Variants in NUTM2E observed in about 807,000 individuals in gnomAD.
NUTM2E encodes the protein family with sequence similarity 22, member E.
Under a neutral mutation model 26.1 loss-of-function variants are expected in NUTM2E, and 3 were observed. The ratio of observed to expected loss-of-function variants is 0.12; its 90% CI spans 0.05 to 0.30. The LOEUF (loss-of-function observed/expected upper bound fraction) is 0.30. Among genes scored for constraint, NUTM2E ranks in the 10% least tolerant of loss-of-function variants. NUTM2E has a pLI of 1.00. For synonymous variants in NUTM2E, 13 were observed against 157.5 expected (o/e 0.08, Z 6.87); for missense variants, 62 against 381.3 (o/e 0.16, Z 6.97).
intron 1 of NUTM2E, among the ~76,000 whole-genome samples, chr10:79,834,815 T>TACAC (rs71925965): frequency 0.021 from 3,087 of 145,938 alleles, 156 homozygotes; most frequent in East Asian, 0.17. Context: ...ACAGAATACC[T>TACAC]ACACACACAC....
chr10:79,838,963 A>G lies in NUTM2E; in HGVS notation c.-2266A>G, dbSNP rs558130572. Among the ~76,000 whole-genome samples, 8 of 142,030 alleles carry G rather than the reference A, an allele frequency of 5.6e-5. No homozygotes were observed. Among genetic ancestry groups the G allele is most frequent in the Non-Finnish European group, 1.1e-4 (7 of 63,706 alleles). The allele number at this position is 142,030 out of a possible 152,430, so 93.2% of individuals were successfully genotyped here. On this transcript the variant is annotated 5_prime_UTR_variant, in exon 3 of 10. Coordinates refer to ENST00000429984, the MANE Select transcript of NUTM2E (RefSeq NM_001355263.2). ...GCGGCGGCGCACAGGGCAGGCCAGG[A>G]GCCCGCCCTAGGAGGGCCCCGCTGG... is the stretch of plus-strand genomic sequence containing the variant.
At chr10:79,834,024 T>C (rs1589306930) in intron 1 of NUTM2E, among the ~76,000 whole-genome samples, 1 of 151,824 alleles carries the variant, frequency 6.6e-6, no homozygotes, top group African/African-American at 2.4e-5. Flanking sequence ...TGGAATGCTA[T>C]GCAGCCATAA....
chr10:79,839,716 C>G lies in NUTM2E; in HGVS notation c.-2025C>G, dbSNP rs1395551977. On this transcript the variant is annotated 5_prime_UTR_variant, in exon 4 of 10. Coordinates refer to ENST00000429984, the MANE Select transcript of NUTM2E (RefSeq NM_001355263.2). ...GCCTCAAGTGCAGAGTCTGAGAGCTCTGCAGGACACAGCATGGAGCCGCCA... is the reference window on the plus strand; with the variant it reads ...GCCTCAAGTGCAGAGTCTGAGAGCTGTGCAGGACACAGCATGGAGCCGCCA... Among the ~76,000 whole-genome samples, 1 of 151,752 alleles carries G rather than the reference C, an allele frequency of 6.6e-6. No homozygotes were observed. The highest frequency in any genetic ancestry group is 2.4e-5 in the African/African-American group (1 of 41,252).
chr10:79,834,837 CACACACAA>C (rs928902420), intron 1 of NUTM2E, among the ~76,000 whole-genome samples: 1 of 150,970 alleles, frequency 6.6e-6, no homozygotes, highest in African/African-American at 2.4e-5. Context: ...CACACACACA[CACACACAA>C]ACACACAAAC....
In NUTM2E at chr10:79,834,667, TA is replaced by T. The variant is rs377301904; in HGVS notation, c.-2727-3628del. The stretch of plus-strand genomic sequence containing the variant: ...TGGGCAACAGAGCGATGCTCCATCT[TA>T]AAAAAAAAAAAAATCAAAATAAAAT... On this transcript the variant is annotated intron_variant, in intron 1 of 9. Transcript: ENST00000429984. Among the ~76,000 whole-genome samples the T allele has an allele frequency of 3.2e-3, 437 of 135,170 alleles. 5 individuals carry two copies. Among genetic ancestry groups the T allele is most frequent in the African/African-American group, 4.4e-3 (161 of 36,612 alleles). The allele number at this position is 135,170 out of a possible 152,430, so 88.7% of individuals were successfully genotyped here.
rs1841995180 is a variant in NUTM2E, at chr10:79,841,007, CTTT to C, written c.-729_-727del. The stretch of plus-strand genomic sequence containing the variant: ...TCTCAGTGTGGAAATGAGAATGAAG[CTTT>C]TTTTAAAGACAGGCTACAATAATTC... On this transcript the variant is annotated 5_prime_UTR_variant, in exon 4 of 10. Coordinates refer to ENST00000429984, the MANE Select transcript of NUTM2E (RefSeq NM_001355263.2). 7.4e-6 allele frequency among the ~76,000 whole-genome samples: 1 copy of C among 135,958 alleles called. No homozygotes were observed. The highest frequency in any genetic ancestry group is 1.6e-5 in the Non-Finnish European group (1 of 63,210). 89.2% of individuals were successfully genotyped at this position (135,958 alleles called of 152,430 possible).
chr10:79,827,986 G>A (rs1482572900), intron 1 of NUTM2E, among the ~76,000 whole-genome samples: 1 of 151,136 alleles, frequency 6.6e-6, no homozygotes, highest in Non-Finnish European at 1.5e-5. Flanking sequence ...TTAGAGACGG[G>A]GTTTCTCCAT....
chr10:79,849,043 G>A, intron 8 of NUTM2E, 148 bp downstream of exon 8: 1 of 969,478 alleles, frequency 1.0e-6, no homozygotes, highest in African/African-American at 1.6e-5. Context: ...GTGTGTCTGT[G>A]TGTTTGTGTC....
At chr10:79,828,344 G>A (rs1841903115) in intron 1 of NUTM2E, among the ~76,000 whole-genome samples, 3 of 151,862 alleles carry the variant, frequency 2.0e-5, no homozygotes, top group Non-Finnish European at 2.9e-5. Context: ...CTGAAGGTAT[G>A]AGGCTTTTAA....
chr10:79,834,414 A>C (rs1841947676), intron 1 of NUTM2E, among the ~76,000 whole-genome samples: 1 of 151,742 alleles, frequency 6.6e-6, no homozygotes, highest in Non-Finnish European at 1.5e-5. Context: ...TTTAATTCAC[A>C]GTTGGGCAGG....
rs1443516419 is a variant in NUTM2E, at chr10:79,848,596, C to T, written c.1435C>T (p.Arg479Cys). The T allele has an allele frequency of 5.1e-6, 3 of 587,914 alleles. No individual in the cohort carries two copies. Among genetic ancestry groups the T allele is most frequent in the Admixed American group, 5.1e-5 (1 of 19,656 alleles). 36.4% of individuals were successfully genotyped at this position (587,914 alleles called of 1,614,324 possible). ...PRPQRPVTKARRPPPQPHRRA... is the reference protein window; with the variant it reads ...PRPQRPVTKACRPPPQPHRRA... ...ACCCCAGAGGCCAGTGACCAAGGCC[C>T]GCCGGCCACCACCCCAGCCCCACCG... Residue 479 changes from arginine (R) to cysteine (C), a missense_variant, in exon 8 of 10, where the codon CGC becomes TGC. Coordinates refer to ENST00000429984, the MANE Select transcript of NUTM2E (RefSeq NM_001355263.2).
At position 79,838,890 on chromosome 10, in the gene NUTM2E, T is replaced by C. The variant is rs1841981427; in HGVS notation, c.-2339T>C. 6.7e-6 allele frequency among the ~76,000 whole-genome samples: 1 copy of C among 149,510 alleles called. No individual in the cohort carries two copies. The highest frequency in any genetic ancestry group is 6.7e-5 in the Admixed American group (1 of 15,034). On this transcript the variant is annotated 5_prime_UTR_variant, in exon 3 of 10. The change abolishes the stop of an existing upstream ORF in the 5' untranslated region. Coordinates refer to ENST00000429984, the MANE Select transcript of NUTM2E (RefSeq NM_001355263.2). ...CGCCGCAACTGGCGCTGGGAGCGGTTGAGGGCGGCCGGCCTCGCGCTGGAA... is the reference window on the plus strand; with the variant it reads ...CGCCGCAACTGGCGCTGGGAGCGGTCGAGGGCGGCCGGCCTCGCGCTGGAA...
chr10:79,828,341 T>A (rs2880198), intron 1 of NUTM2E, among the ~76,000 whole-genome samples: 2 of 151,898 alleles, frequency 1.3e-5, no homozygotes, highest in African/African-American at 4.8e-5. Flanking sequence ...TTGCTGAAGG[T>A]ATGAGGCTTT....
chr10:79,827,282 T>A lies in NUTM2E; in HGVS notation c.-2803T>A, dbSNP rs189658834. The A allele has an allele frequency of 6.5e-6, 1 of 153,096 alleles. No homozygotes were observed. The highest frequency in any genetic ancestry group is 1.5e-5 in the Non-Finnish European group (1 of 67,898). The allele number at this position is 153,096 out of a possible 1,614,324, so 9.5% of individuals were successfully genotyped here. ...CGGGATTATTCAACAAGCCGATTGATCACATTCTTCAGCTCTAGCAGTGCA... is the reference window on the plus strand; with the variant it reads ...CGGGATTATTCAACAAGCCGATTGAACACATTCTTCAGCTCTAGCAGTGCA... On this transcript the variant is annotated 5_prime_UTR_variant, in exon 1 of 10. Transcript: ENST00000429984.
chr10:79,849,141 T>C (rs1236263970), intron 8 of NUTM2E, among the ~76,000 whole-genome samples: 1 of 89,328 alleles, frequency 1.1e-5, no homozygotes, highest in Admixed American at 1.1e-4. Context: ...TTTTCCTGTG[T>C]CATATGTGGG....
Position 79,827,096 on chromosome 10 carries a change from G to T in NUTM2E, c.-2989G>T, listed in dbSNP as rs1293062544. The T allele has an allele frequency of 6.6e-6, 1 of 152,040 alleles. No individual in the cohort carries two copies. Among genetic ancestry groups the T allele is most frequent in the Non-Finnish European group, 1.5e-5 (1 of 67,814 alleles). The allele number at this position is 152,040 out of a possible 1,614,324, so 9.4% of individuals were successfully genotyped here. A position where few individuals can be genotyped will look rare whatever the true frequency, so the allele number is the denominator to read the frequency against. On this transcript the variant is annotated 5_prime_UTR_variant, in exon 1 of 10. Transcript: ENST00000429984. ...CCCAGCCCCGCCCGCGGCGAGGTGC[G>T]CGGGGTTCGGTGCGAGCCCCTCGCC... is the stretch of plus-strand genomic sequence containing the variant.
chr10:79,829,661 T>C (rs953032973), intron 1 of NUTM2E, among the ~76,000 whole-genome samples: 5 of 151,860 alleles, frequency 3.3e-5, no homozygotes, highest in African/African-American at 1.2e-4. Context: ...GATAGTCCAA[T>C]AGGAAATACG....
At position 79,832,938 on chromosome 10, in the gene NUTM2E, C is replaced by T. The variant is rs1478510475; in HGVS notation, c.-2727-5371C>T. Reference sequence around the variant, plus strand: ...ATAGTTGTGTGTGAATTTAAGTGAACACACTTACTAATTGAATAAAATACA... The same window carrying T: ...ATAGTTGTGTGTGAATTTAAGTGAATACACTTACTAATTGAATAAAATACA... On this transcript the variant is annotated intron_variant, in intron 1 of 9. Coordinates refer to ENST00000429984, the MANE Select transcript of NUTM2E (RefSeq NM_001355263.2). Among the ~76,000 whole-genome samples, 3 of 151,626 alleles carry T rather than the reference C, an allele frequency of 2.0e-5. No individual in the cohort carries two copies. In the East Asian group the frequency reaches 5.8e-4, roughly 29 times the overall value.
Position 79,838,983 on chromosome 10 carries a change from C to G in NUTM2E, c.-2246C>G, listed in dbSNP as rs972877162. Among the ~76,000 whole-genome samples, 4 of 148,866 alleles carry G rather than the reference C, an allele frequency of 2.7e-5. 1 individual carries two copies. In the East Asian group the frequency reaches 8.1e-4, roughly 30 times the overall value. On this transcript the variant is annotated 5_prime_UTR_variant, in exon 3 of 10. Coordinates refer to ENST00000429984, the MANE Select transcript of NUTM2E (RefSeq NM_001355263.2). ...CCAGGAGCCCGCCCTAGGAGGGCCC[C>G]GCTGGAGATGTGGAAATGGAGGGAC...
Sources: gnomAD v4.1 joint callset for allele counts (sites outside exome capture counted in the v4.1 genomes callset) on GRCh38, gnomAD v4.1.1 for gene constraint, MANE v1.5 for transcripts, NCBI Gene and HGNC (gene_info 2026-07-23, HGNC 2026-07-21) for gene names.